The following ZNF106 variants were observed in gnomAD, a reference collection of about 807,000 sequenced individuals.
ZNF106 encodes the protein zinc finger protein 106, also known as SH3-domain binding protein 3.
In ZNF106, 67 loss-of-function variants were observed where a neutral mutation model predicts 195.1. The observed-to-expected ratio is 0.34, with a 90% CI of 0.28 to 0.42. The LOEUF is 0.42. Among genes scored for constraint, ZNF106 ranks in the 10% least tolerant of loss-of-function variants. The pLI is 1.00. For missense variants in ZNF106, 2,118 were observed against 2,304.5 expected, an observed-to-expected ratio of 0.92 and a Z score of 1.66; for synonymous variants, 784 against 818.6, an observed-to-expected ratio of 0.96 and a Z score of 0.72.
chr15:42,428,019 T>G lies in ZNF106; in HGVS notation c.4997A>C (p.Lys1666Thr), dbSNP rs1168365885. The G allele has an allele frequency of 6.2e-7, 1 of 1,613,442 alleles. No individual in the cohort carries two copies. Among genetic ancestry groups the G allele is most frequent in the Admixed American group, 1.7e-5 (1 of 60,000 alleles). Residue 1666 changes from lysine to threonine, a missense_variant and splice_region_variant, in exon 15 of 22, where the codon AAG becomes ACG. By Grantham distance (78) the Lys-to-Thr change is moderately conservative (BLOSUM62 -1). Transcript: ENST00000564754. ...ANGTVVTFNIKNNKRLEIFEC... is the reference protein window; with the variant it reads ...ANGTVVTFNITNNKRLEIFEC... ...GCCTTTTCTCCTCCAACCACTAACC[T>G]TTATGTTGAAGGTGACCACAGTGCC...
At chr15:42,466,167 A>T in intron 2 of ZNF106, 53 bp from the exon 3 acceptor site, 1 of 1,429,538 alleles carries the variant, frequency 7.0e-7, no homozygotes, top group South Asian at 1.4e-5. Flanking sequence ...TTTGAAAAAA[A>T]AAAACTCCTC....
intron 1 of ZNF106, among the ~76,000 whole-genome samples, chr15:42,473,856 G>A (rs1412212821): frequency 6.6e-6 from 1 of 152,220 alleles, no homozygotes; most frequent in Non-Finnish European, 1.5e-5. Flanking sequence ...TGTGGCAGAA[G>A]TGATGCTGTA....
Position 42,417,871 on chromosome 15 carries a change from G to C in ZNF106, c.5598C>G (p.Phe1866Leu). ...HLLTDHTNPN[F>L]QTLKCRWKNC... ...TCTTCCAGCGACATTTCAGAGTCTG[G>C]AAGTTGGGATTAGTGTGGTCGGTCA... The change falls in exon 21 of 22, where the codon TTC becomes TTG. Residue 1866 changes from phenylalanine to leucine, a missense_variant. Coordinates refer to ENST00000564754, the MANE Select transcript of ZNF106 (RefSeq NM_001366845.3). 1 of 1,614,114 alleles carries C rather than the reference G, an allele frequency of 6.2e-7. No homozygotes were observed. Among genetic ancestry groups the C allele is most frequent in the Non-Finnish European group, 8.5e-7 (1 of 1,179,984 alleles).
intron 2 of ZNF106, among the ~76,000 whole-genome samples, chr15:42,471,375 C>G (rs544232304): frequency 3.9e-5 from 6 of 152,268 alleles, no homozygotes; most frequent in Admixed American, 3.9e-4. Context: ...ACTCTGAAAG[C>G]AAATGATAAA....
chr15:42,474,576 T>C (rs553390526), intron 1 of ZNF106, among the ~76,000 whole-genome samples: 112 of 152,080 alleles, frequency 7.4e-4, no homozygotes, highest in Non-Finnish European at 1.2e-3. Context: ...CTGGGCAACA[T>C]AGTGTCTCTA....
At chr15:42,459,966 C>T (rs1055095404) in intron 3 of ZNF106, among the ~76,000 whole-genome samples, 4 of 151,616 alleles carry the variant, frequency 2.6e-5, no homozygotes, top group African/African-American at 9.7e-5. Flanking sequence ...TCGCTTGAAC[C>T]TGGGAGGTGG....
intron 2 of ZNF106, among the ~76,000 whole-genome samples, chr15:42,468,732 A>C (rs1435516738): frequency 1.3e-5 from 2 of 151,178 alleles, no homozygotes; most frequent in Non-Finnish European, 2.9e-5. Flanking sequence ...ACAGAGCAAG[A>C]CTCCGTCTCA....
intron 6 of ZNF106, 113 bp from the exon 7 acceptor site, chr15:42,446,771 A>G: frequency 1.1e-6 from 1 of 888,556 alleles, no homozygotes; most frequent in Non-Finnish European, 1.7e-6. Flanking sequence ...TATTGCTACC[A>G]TCTCTAACAT....
intron 2 of ZNF106, among the ~76,000 whole-genome samples, chr15:42,466,559 C>T (rs1399102132): frequency 6.6e-6 from 1 of 152,118 alleles, no homozygotes; most frequent in East Asian, 1.9e-4. Context: ...TGGACAGGGC[C>T]TAGCATATAG....
intron 1 of ZNF106, among the ~76,000 whole-genome samples, 189 bp downstream of exon 1, chr15:42,490,791 C>T (rs2057143137): frequency 6.6e-6 from 1 of 152,200 alleles, no homozygotes; most frequent in Non-Finnish European, 1.5e-5. Flanking sequence ...ACCCCGAAGC[C>T]AGCAGCACCG....
chr15:42,489,340 G>A (rs900948327), intron 1 of ZNF106, among the ~76,000 whole-genome samples: 58 of 151,854 alleles, frequency 3.8e-4, no homozygotes, highest in African/African-American at 1.4e-3. Flanking sequence ...ATCATGCCCA[G>A]CTAATTTTGT....
chr15:42,451,024 T>C lies in ZNF106; in HGVS notation c.1248A>G (p.Gln416=), dbSNP rs147770791. The C allele has an allele frequency of 3.1e-5, 50 of 1,614,106 alleles. 3 individuals carry two copies. The South Asian group carries it at 4.8e-4, about 16-fold the overall frequency. Residue 416 remains glutamine (Q), a synonymous_variant, in exon 5 of 22, where the codon CAA becomes CAG. Transcript: ENST00000564754. ...SLITTGIQEP[Q]TDETRNSPTQ... is the part of the protein sequence containing the mutation. The stretch of plus-strand genomic sequence containing the variant: ...TTGGGGAATTACGTGTTTCATCAGT[T>C]TGGGGCTCCTGTATTCCTGTAGTTA...
Position 42,417,892 on chromosome 15 carries a change from G to A in ZNF106, c.5577C>T (p.Thr1859=), listed in dbSNP as rs767606100. 3.7e-6 allele frequency: 6 copies of A among 1,614,012 alleles called. 1 individual carries two copies. The highest frequency in any genetic ancestry group is 3.3e-5 in the South Asian group (3 of 91,074). Residue 1859 remains threonine (T), a synonymous_variant, in exon 21 of 22, where the codon ACC becomes ACT. Transcript: ENST00000564754. ...TCTGGAAGTTGGGATTAGTGTGGTC[G>A]GTCAGCAAGTGTTGTTTTAAATGAT... The part of the protein sequence containing the change: ...VVDHLKQHLL[T]DHTNPNFQTL...
In ZNF106 at chr15:42,420,771, T is replaced by C. The variant is rs1371744228; in HGVS notation, c.5517+290A>G. Among the ~76,000 whole-genome samples the C allele has an allele frequency of 2.0e-5, 3 of 152,172 alleles. No individual in the cohort carries two copies. In the East Asian group the frequency reaches 5.8e-4, roughly 29 times the overall value. On this transcript the variant is annotated intron_variant, in intron 20 of 21. Coordinates refer to ENST00000564754, the MANE Select transcript of ZNF106 (RefSeq NM_001366845.3). ...CCAATGAGGACACAAACCAAACCAT[T>C]AACACTAGTAATCTCTGATGAGCGG...
chr15:42,425,230 A>C (rs1024929970), intron 15 of ZNF106, among the ~76,000 whole-genome samples: 2 of 152,184 alleles, frequency 1.3e-5, no homozygotes, highest in Non-Finnish European at 2.9e-5. Flanking sequence ...TGAGGAGGGC[A>C]AACGCTTACA....
At chr15:42,432,489 T>C (rs1336353489) in intron 14 of ZNF106, among the ~76,000 whole-genome samples, 1 of 152,128 alleles carries the variant, frequency 6.6e-6, no homozygotes, top group East Asian at 1.9e-4. Flanking sequence ...AATATTAACA[T>C]AACCACTCCA....
intron 18 of ZNF106, 147 bp from the exon 19 acceptor site, chr15:42,422,135 A>C (rs2054685798): frequency 1.6e-6 from 1 of 607,606 alleles, no homozygotes; most frequent in Non-Finnish European, 2.6e-6. Flanking sequence ...ATATAATCTA[A>C]TGGCAATTTT....
intron 7 of ZNF106, among the ~76,000 whole-genome samples, chr15:42,445,603 T>A (rs1204892055): frequency 6.6e-6 from 1 of 152,174 alleles, no homozygotes; most frequent in African/African-American, 2.4e-5. Flanking sequence ...ACTATGATAT[T>A]TCTAGCTAGG....
intron 6 of ZNF106, 108 bp from the exon 7 acceptor site, chr15:42,446,766 C>T: frequency 1.1e-6 from 1 of 934,348 alleles, no homozygotes; most frequent in Non-Finnish European, 1.6e-6. Flanking sequence ...TTCACTATTG[C>T]TACCATCTCT....
Sources: allele counts gnomAD v4.1 joint callset (sites outside exome capture counted in the v4.1 genomes callset), GRCh38; gene constraint gnomAD v4.1.1; transcripts MANE v1.5; gene names NCBI Gene and HGNC (gene_info 2026-07-23, HGNC 2026-07-21).